The following ME1 variants were observed in gnomAD, a reference collection of about 807,000 sequenced individuals.
ME1 encodes the protein malic enzyme 1.
Under a neutral mutation model 66.4 loss-of-function variants are expected in ME1, and 74 were observed. The ratio of observed to expected loss-of-function variants is 1.11; its 90% confidence interval spans 0.92 to 1.35. The LOEUF (loss-of-function observed/expected upper bound fraction) is 1.35. Ranked by LOEUF, ME1 falls within the 40% of genes most tolerant of loss-of-function variation. The pLI is 0.00. For missense variants in ME1, 750 were observed against 694.1 expected (o/e 1.08, Z -0.90); for synonymous variants, 251 against 235.6 (o/e 1.07, Z -0.60).
At position 83,221,532 on chromosome 6, in the gene ME1, G is replaced by C. The variant is rs147586561; in HGVS notation, c.1449+2228C>G. On this transcript the variant is annotated intron_variant, in intron 12 of 13. Transcript: ENST00000369705. ...TAAGCTTTGCTGCCTGCTTGGAAAG[G>C]GGGTATCACTAATAAAAATGTGAAT... Among the ~76,000 whole-genome samples, 834 of 152,252 alleles carry C rather than the reference G, an allele frequency of 5.5e-3. 6 individuals are homozygous for C. Among genetic ancestry groups the C allele is most frequent in the African/African-American group, 0.019 (781 of 41,532 alleles).
At chr6:83,291,565 T>C (rs1388637889) in intron 6 of ME1, among the ~76,000 whole-genome samples, 1 of 152,184 alleles carries the variant, frequency 6.6e-6, no homozygotes, top group African/African-American at 2.4e-5. Context: ...TTTTCCTTCA[T>C]TTCAACCTTG....
intron 6 of ME1, among the ~76,000 whole-genome samples, chr6:83,274,771 A>G (rs1290200226): frequency 6.6e-6 from 1 of 152,230 alleles, no homozygotes; most frequent in Non-Finnish European, 1.5e-5. Context: ...CTATTTACAA[A>G]TCACTACACA....
At chr6:83,308,008 A>G (rs776994371) in intron 6 of ME1, among the ~76,000 whole-genome samples, 2 of 152,166 alleles carry the variant, frequency 1.3e-5, no homozygotes, top group Non-Finnish European at 2.9e-5. Context: ...TGTTTCAGGC[A>G]CACAGCCAAG....
At chr6:83,360,298 G>A (rs1768983181) in intron 3 of ME1, among the ~76,000 whole-genome samples, 1 of 152,150 alleles carries the variant, frequency 6.6e-6, no homozygotes, top group Non-Finnish European at 1.5e-5. Flanking sequence ...CTGTGCACTG[G>A]GGAAAGGGAA....
chr6:83,300,964 C>A (rs572129706), intron 6 of ME1, among the ~76,000 whole-genome samples: 1 of 152,112 alleles, frequency 6.6e-6, no homozygotes, highest in Non-Finnish European at 1.5e-5. Flanking sequence ...CCAAACACTG[C>A]GTGTTCTCAC....
Position 83,330,342 on chromosome 6 carries a change from A to C in ME1, c.601-14929T>G, listed in dbSNP as rs118045037. ...TGCTGTTTTGTTGCCTCATGTCATCAATAAGAATAAGCAAAGTAACCATCA... is the reference window on the plus strand; with the variant it reads ...TGCTGTTTTGTTGCCTCATGTCATCCATAAGAATAAGCAAAGTAACCATCA... On this transcript the variant is annotated intron_variant, in intron 5 of 13. Transcript: ENST00000369705. Among the ~76,000 whole-genome samples, 219 of 152,310 alleles carry C rather than the reference A, an allele frequency of 1.4e-3. 6 individuals are homozygous for C. The East Asian group carries it at 0.039, about 27-fold the overall frequency.
chr6:83,310,846 G>A (rs997161889), intron 6 of ME1, among the ~76,000 whole-genome samples: 2 of 152,172 alleles, frequency 1.3e-5, no homozygotes, highest in African/African-American at 4.8e-5. Context: ...TAGCTGCTGG[G>A]TAGAGAAAGC....
intron 6 of ME1, among the ~76,000 whole-genome samples, chr6:83,308,675 A>G (rs1355575466): frequency 6.6e-6 from 1 of 151,298 alleles, no homozygotes; most frequent in Non-Finnish European, 1.5e-5. Flanking sequence ...TTGAGTACTT[A>G]TCACATACTA....
intron 6 of ME1, among the ~76,000 whole-genome samples, chr6:83,299,369 T>C (rs1767669019): frequency 6.6e-6 from 1 of 152,158 alleles, no homozygotes; most frequent in Non-Finnish European, 1.5e-5. Flanking sequence ...TTATAGCAGT[T>C]GCAAATGGGA....
chr6:83,277,656 C>T (rs1025395711), intron 6 of ME1, among the ~76,000 whole-genome samples: 2 of 152,092 alleles, frequency 1.3e-5, no homozygotes, highest in Non-Finnish European at 2.9e-5. Flanking sequence ...AATCCCAGCA[C>T]TTTGGGAGGC....
At chr6:83,235,627 T>G (rs1790385161) in intron 9 of ME1, among the ~76,000 whole-genome samples, 2 of 152,012 alleles carry the variant, frequency 1.3e-5, no homozygotes, top group African/African-American at 4.8e-5. Flanking sequence ...CCCACCACCA[T>G]GCCCAGCTAA....
At chr6:83,223,982 TA>T (rs775497700) in intron 11 of ME1, 49 bp from the exon 12 acceptor site, 23 of 1,541,764 alleles carry the variant, frequency 1.5e-5, no homozygotes, top group Middle Eastern at 1.7e-4. Context: ...CAGAATATTT[TA>T]AAACAAATGT....
chr6:83,417,166 T>C (rs1326582176), intron 1 of ME1, among the ~76,000 whole-genome samples: 1 of 152,102 alleles, frequency 6.6e-6, no homozygotes, highest in Non-Finnish European at 1.5e-5. Context: ...CCTCTTGCCT[T>C]AGCTTCTTGA....
chr6:83,385,893 T>C (rs936340214), intron 3 of ME1, among the ~76,000 whole-genome samples: 2 of 151,920 alleles, frequency 1.3e-5, no homozygotes, highest in Non-Finnish European at 2.9e-5. Flanking sequence ...AAATTCATAA[T>C]TTAAGAAATC....
At chr6:83,405,882 C>T (rs1410757669) in intron 2 of ME1, among the ~76,000 whole-genome samples, 9 of 151,820 alleles carry the variant, frequency 5.9e-5, no homozygotes, top group South Asian at 2.1e-4. Flanking sequence ...CCACTATGCC[C>T]GGCTAATTTT....
chr6:83,218,427 G>A (rs1790030874), intron 12 of ME1, among the ~76,000 whole-genome samples: 1 of 152,180 alleles, frequency 6.6e-6, no homozygotes, highest in Non-Finnish European at 1.5e-5. Context: ...CTCAGCGTGA[G>A]CAGTTATAGG....
At chr6:83,240,576 A>G (rs1397800055) in intron 7 of ME1, among the ~76,000 whole-genome samples, 3 of 152,126 alleles carry the variant, frequency 2.0e-5, no homozygotes, top group Non-Finnish European at 4.4e-5. Context: ...AGCTTCTTGC[A>G]ACACTTTCCA....
At chr6:83,358,106 C>CT (rs1202212654) in intron 3 of ME1, among the ~76,000 whole-genome samples, 3 of 150,880 alleles carry the variant, frequency 2.0e-5, no homozygotes, top group Non-Finnish European at 4.4e-5. Context: ...GGATGGAGTT[C>CT]TTTCATTGGT....
intron 6 of ME1, among the ~76,000 whole-genome samples, chr6:83,275,764 CTTTTT>C (rs869196328): frequency 1.8e-3 from 68 of 38,048 alleles, no homozygotes; most frequent in Non-Finnish European, 2.7e-3. Context: ...GGCGCCCGGC[CTTTTT>C]TTTTTTTTTT....
Sources: allele counts gnomAD v4.1 joint callset (sites outside exome capture counted in the v4.1 genomes callset), GRCh38; gene constraint gnomAD v4.1.1; transcripts MANE v1.5; gene names NCBI Gene and HGNC (gene_info 2026-07-23, HGNC 2026-07-21).